The following KCNT2 variants were observed in gnomAD, a reference collection of about 807,000 sequenced individuals.
KCNT2 encodes potassium channel subfamily T member 2.
In KCNT2, 67 loss-of-function variants were observed where a neutral mutation model predicts 153.8. The ratio of observed to expected loss-of-function variants is 0.44; its 90% CI spans 0.36 to 0.53. The LOEUF (loss-of-function observed/expected upper bound fraction) is 0.53. KCNT2 is among the 20% of genes least tolerant of loss of function. KCNT2 has a pLI of 0.00. For synonymous variants in KCNT2, 500 were observed against 458.8 expected (o/e 1.09, Z -1.15); for missense variants, 975 against 1,354.8 (o/e 0.72, Z 4.40).
intron 1 of KCNT2, among the ~76,000 whole-genome samples, chr1:196,559,104 T>A (rs1027783811): frequency 1.3e-5 from 2 of 151,568 alleles, no homozygotes; most frequent in Non-Finnish European, 3.0e-5. Context: ...TGATCTCATT[T>A]AAAGCACAGC....
chr1:196,367,766 C>T (rs905771146), intron 14 of KCNT2, among the ~76,000 whole-genome samples: 11 of 152,118 alleles, frequency 7.2e-5, no homozygotes, highest in Admixed American at 3.9e-4. Context: ...ATCTAAAATA[C>T]TTAATGTTTC....
intron 8 of KCNT2, among the ~76,000 whole-genome samples, chr1:196,459,865 C>T (rs1676997013): frequency 6.6e-6 from 1 of 151,746 alleles, no homozygotes; most frequent in Non-Finnish European, 1.5e-5. Context: ...CTTTATCTTG[C>T]CCTCTAACCC....
chr1:196,401,727 A>G (rs937925858), intron 12 of KCNT2, among the ~76,000 whole-genome samples: 2 of 151,686 alleles, frequency 1.3e-5, no homozygotes, highest in African/African-American at 2.4e-5. Context: ...AATATAATTG[A>G]ATTCCCAAAA....
At chr1:196,287,721 A>G in intron 22 of KCNT2, among the ~76,000 whole-genome samples, 1 of 152,066 alleles carries the variant, frequency 6.6e-6, no homozygotes, top group East Asian at 1.9e-4. Context: ...ATGCGTTGAG[A>G]ACGTACTTTG....
intron 8 of KCNT2, among the ~76,000 whole-genome samples, chr1:196,451,460 A>G (rs1482363218): frequency 1.6e-5 from 2 of 121,346 alleles, no homozygotes; most frequent in East Asian, 2.5e-4. Context: ...AGTTTTACCA[A>G]GTTACCCAGG....
chr1:196,544,713 C>T (rs1304067658), intron 1 of KCNT2, among the ~76,000 whole-genome samples: 2 of 152,066 alleles, frequency 1.3e-5, no homozygotes, highest in East Asian at 3.9e-4. Flanking sequence ...TCCATATTCT[C>T]ACTAAGCAGG....
rs772704723 is a variant in KCNT2, at chr1:196,467,790, G to C, written c.460-4C>G. On this transcript the variant is annotated splice_polypyrimidine_tract_variant and splice_region_variant and intron_variant, in intron 6 of 27. Coordinates refer to ENST00000294725, the MANE Select transcript of KCNT2 (RefSeq NM_198503.5). ...TCCTTAAGGAAGGCCAGAATATCTG[G>C]AAAACAAAACAAAACAAAACTAGAC... The C allele has an allele frequency of 3.2e-6, 5 of 1,583,386 alleles. No individual in the cohort carries two copies. The highest frequency in any genetic ancestry group is 2.7e-5 in the African/African-American group (2 of 74,318).
chr1:196,520,970 C>A (rs1653304613), intron 1 of KCNT2, among the ~76,000 whole-genome samples: 1 of 152,144 alleles, frequency 6.6e-6, no homozygotes, highest in African/African-American at 2.4e-5. Flanking sequence ...AACTTAAGAG[C>A]TTCTGCTCAG....
chr1:196,252,928 C>T (rs923693444), intron 26 of KCNT2, among the ~76,000 whole-genome samples: 1 of 151,088 alleles, frequency 6.6e-6, no homozygotes, highest in Non-Finnish European at 1.5e-5. Flanking sequence ...TTACATTTTA[C>T]CTATATTCCT....
intron 21 of KCNT2, among the ~76,000 whole-genome samples, chr1:196,311,674 T>C (rs1435485844): frequency 6.6e-6 from 1 of 151,828 alleles, no homozygotes; most frequent in Non-Finnish European, 1.5e-5. Flanking sequence ...AGACTTTTTT[T>C]CCCCAGCTCC....
intron 1 of KCNT2, among the ~76,000 whole-genome samples, chr1:196,528,896 G>A (rs964206984): frequency 3.9e-5 from 6 of 152,088 alleles, no homozygotes; most frequent in African/African-American, 1.2e-4. Flanking sequence ...TGATACGATT[G>A]TGCATTAGAT....
At chr1:196,236,785 T>C (rs923424253) in intron 26 of KCNT2, among the ~76,000 whole-genome samples, 3 of 151,618 alleles carry the variant, frequency 2.0e-5, no homozygotes, top group African/African-American at 7.2e-5. Flanking sequence ...GTTGAAATGT[T>C]GACCCTGCAT....
intron 16 of KCNT2, among the ~76,000 whole-genome samples, chr1:196,340,138 C>T (rs921079891): frequency 1.3e-5 from 2 of 151,936 alleles, no homozygotes; most frequent in Non-Finnish European, 2.9e-5. Context: ...ACATATGCCA[C>T]CACAGTAGGC....
chr1:196,234,228 A>G (rs949203161), intron 27 of KCNT2, among the ~76,000 whole-genome samples: 1 of 151,354 alleles, frequency 6.6e-6, no homozygotes, highest in Admixed American at 6.6e-5. Context: ...AACATTTATT[A>G]AAAATACATA....
At chr1:196,271,434 T>G (rs1413940089) in intron 25 of KCNT2, among the ~76,000 whole-genome samples, 1 of 152,004 alleles carries the variant, frequency 6.6e-6, no homozygotes, top group Non-Finnish European at 1.5e-5. Context: ...GTTTAAGACG[T>G]TAAGTGGACA....
chr1:196,277,657 A>G (rs918440789), intron 25 of KCNT2, among the ~76,000 whole-genome samples: 1 of 152,154 alleles, frequency 6.6e-6, no homozygotes, highest in African/African-American at 2.4e-5. Flanking sequence ...AGAAGTTTCT[A>G]ATTCCTGAAA....
chr1:196,542,602 A>G (rs894246006), intron 1 of KCNT2, among the ~76,000 whole-genome samples: 1 of 152,128 alleles, frequency 6.6e-6, no homozygotes, highest in African/African-American at 2.4e-5. Context: ...CATTAGGAGC[A>G]CATAACTCAC....
At chr1:196,303,059 C>T (rs1204832871) in intron 22 of KCNT2, among the ~76,000 whole-genome samples, 1 of 151,340 alleles carries the variant, frequency 6.6e-6, no homozygotes, top group African/African-American at 2.4e-5. Context: ...CTTCCCTTTT[C>T]CTTGGAGCAT....
intron 13 of KCNT2, among the ~76,000 whole-genome samples, chr1:196,377,025 A>G (rs1366076446): frequency 6.6e-6 from 1 of 151,952 alleles, no homozygotes; most frequent in Non-Finnish European, 1.5e-5. Flanking sequence ...GAAGTTCTTC[A>G]TTAGAGGGAG....
Sources: gnomAD v4.1 joint callset for allele counts (sites outside exome capture counted in the v4.1 genomes callset) on GRCh38, gnomAD v4.1.1 for gene constraint, MANE v1.5 for transcripts, NCBI Gene and HGNC (gene_info 2026-07-23, HGNC 2026-07-21) for gene names.